Variants in KRT80 observed in about 807,000 individuals in gnomAD.
KRT80 encodes keratin, type II cytoskeletal 80.
A neutral mutation model predicts 51.5 loss-of-function variants in KRT80; 36 were observed. The ratio of observed to expected loss-of-function variants is 0.70; its 90% CI spans 0.54 to 0.92. KRT80 has a LOEUF of 0.92. KRT80 is among the 40% of genes least tolerant of loss of function. The pLI, the probability that KRT80 is intolerant of heterozygous loss-of-function variation, is 0.00. For missense variants in KRT80, 566 were observed against 591.7 expected (o/e 0.96, Z 0.45); for synonymous variants, 235 against 248.3 (o/e 0.95, Z 0.50).
intron 4 of KRT80, among the ~76,000 whole-genome samples, chr12:52,176,701 G>A (rs58638878): frequency 2.6e-5 from 4 of 152,104 alleles, no homozygotes; most frequent in Non-Finnish European, 4.4e-5. Flanking sequence ...TGCTGGTCTC[G>A]AACTCCTAAC....
At position 52,171,437 on chromosome 12, in the gene KRT80, T is replaced by G. The variant is rs202009004; in HGVS notation, c.1320A>C (p.Ser440=). The part of the protein sequence containing the change: ...KGPVIKITEM[S]EKYFSQESEV... ...CCGACTCCTGCGAGAAGTACTTCTC[T>G]GACATTTCGGTGATTTTGATCACGG... is the stretch of plus-strand genomic sequence containing the variant. The change falls in exon 9 of 9, where the codon TCA becomes TCC. Residue 440 remains serine, a synonymous_variant. Transcript: ENST00000394815. The G allele has an allele frequency of 1.9e-6, 3 of 1,611,868 alleles. No individual in the cohort carries two copies. Among genetic ancestry groups the G allele is most frequent in the Non-Finnish European group, 2.5e-6 (3 of 1,179,040 alleles).
chr12:52,182,679 C>T (rs905417907), intron 2 of KRT80, among the ~76,000 whole-genome samples: 40 of 152,192 alleles, frequency 2.6e-4, no homozygotes, highest in African/African-American at 8.4e-4. Context: ...TTGAGGGAGA[C>T]AGCTGGCCTG....
chr12:52,184,007 C>T (rs556875214), intron 2 of KRT80, among the ~76,000 whole-genome samples: 1 of 132,758 alleles, frequency 7.5e-6, no homozygotes, highest in East Asian at 2.1e-4. Context: ...CTGGGTCTCT[C>T]CGGAGGGGCG....
chr12:52,178,995 A>G (rs1234327255), intron 4 of KRT80, among the ~76,000 whole-genome samples: 1 of 152,096 alleles, frequency 6.6e-6, no homozygotes, highest in Non-Finnish European at 1.5e-5. Context: ...CAGGAATATC[A>G]CTGGTTATGC....
chr12:52,172,474 C>A, intron 6 of KRT80, 56 bp from the exon 7 acceptor site: 1 of 1,517,298 alleles, frequency 6.6e-7, no homozygotes. Flanking sequence ...GAGGAGCGGG[C>A]CAGGGCCAGG....
chr12:52,178,653 T>C (rs1251619265), intron 4 of KRT80, among the ~76,000 whole-genome samples: 1 of 152,248 alleles, frequency 6.6e-6, no homozygotes, highest in African/African-American at 2.4e-5. Context: ...ATGACTTGTC[T>C]CAGCTAAGTC....
chr12:52,182,431 G>C (rs1479779747), intron 2 of KRT80, among the ~76,000 whole-genome samples: 1 of 152,194 alleles, frequency 6.6e-6, no homozygotes, highest in Admixed American at 6.5e-5. Flanking sequence ...AGGCTACTTG[G>C]GCTGAAATCC....
At chr12:52,174,043 C>A (rs1163015397) in intron 4 of KRT80, among the ~76,000 whole-genome samples, 6 of 152,234 alleles carry the variant, frequency 3.9e-5, no homozygotes, top group Admixed American at 3.9e-4. Flanking sequence ...CTGCAAGCTT[C>A]CCCACTGCCT....
At position 52,183,778 on chromosome 12, in the gene KRT80, G is replaced by A. The variant is rs145327176; in HGVS notation, c.509+1601C>T. 7.5e-3 allele frequency among the ~76,000 whole-genome samples: 1,145 copies of A among 152,358 alleles called. 8 individuals are homozygous for A. Among genetic ancestry groups the A allele is most frequent in the Non-Finnish European group, 0.011 (737 of 68,036 alleles). On this transcript the variant is annotated intron_variant, in intron 2 of 8. Coordinates refer to ENST00000394815, the MANE Select transcript of KRT80 (RefSeq NM_182507.3). ...CAGCCTTACCCAGTGGCTGGCTGGG[G>A]TTAGGGATGGGACTTAGCATGCAAG...
intron 4 of KRT80, among the ~76,000 whole-genome samples, chr12:52,179,784 C>T (rs1293465739): frequency 1.3e-5 from 2 of 152,212 alleles, no homozygotes; most frequent in Non-Finnish European, 2.9e-5. Flanking sequence ...GCTGCCTGCT[C>T]CTAGCTGAAC....
rs758539926 is a variant in KRT80, at chr12:52,191,608, C to T, written c.295G>A (p.Gly99Ser). The T allele has an allele frequency of 1.3e-6, 2 of 1,585,762 alleles. No individual in the cohort carries two copies. Among genetic ancestry groups the T allele is most frequent in the East Asian group, 2.3e-5 (1 of 44,402 alleles). ...ALNDKFASLIGKVQALEQRNQ... is the reference protein window; with the variant it reads ...ALNDKFASLISKVQALEQRNQ... Reference sequence around the variant, plus strand: ...GACCCCCTACTTGTGCTCACCTTGCCAATTAGGGAGGCAAATTTATCATTG... The same window carrying T: ...GACCCCCTACTTGTGCTCACCTTGCTAATTAGGGAGGCAAATTTATCATTG... Residue 99 changes from glycine (G) to serine (S), a missense_variant, in exon 1 of 9, where the codon GGC becomes AGC. Transcript: ENST00000394815.
intron 4 of KRT80, among the ~76,000 whole-genome samples, chr12:52,177,655 G>A (rs1941252952): frequency 6.6e-6 from 1 of 151,624 alleles, no homozygotes; most frequent in Non-Finnish European, 1.5e-5. Context: ...GTGTGTGTGT[G>A]TGTGTGTGTG....
At chr12:52,174,027 G>T (rs1485458829) in intron 4 of KRT80, among the ~76,000 whole-genome samples, 1 of 152,210 alleles carries the variant, frequency 6.6e-6, no homozygotes, top group South Asian at 2.1e-4. Context: ...TGGTTTTAAA[G>T]GCTACCTGCA....
At position 52,173,680 on chromosome 12, in the gene KRT80, T is replaced by C; in HGVS notation, c.751A>G (p.Ile251Val). Residue 251 changes from isoleucine (I) to valine (V), a missense_variant, in exon 5 of 9, where the codon ATC (isoleucine) becomes GTC (valine). Transcript: ENST00000394815. ...DSRCHIDLSG[I>V]VEEVKAQYDA... ...TACTGGGCCTTCACCTCCTCCACGATGCCGCTCAGGTCGATGTGGCAGCGG... is the reference window on the plus strand; with the variant it reads ...TACTGGGCCTTCACCTCCTCCACGACGCCGCTCAGGTCGATGTGGCAGCGG... 6.2e-7 allele frequency: 1 copy of C among 1,613,154 alleles called. No homozygotes were observed. Among genetic ancestry groups the C allele is most frequent in the South Asian group, 1.1e-5 (1 of 91,086 alleles).
chr12:52,169,799 C>T lies in KRT80; in HGVS notation c.*1599G>A, dbSNP rs1432171436. ...GCCTGAGGAAAAGCACCAATCAGCA[C>T]CCTCTTTTGGGACTTTGGGGATGAG... On this transcript the variant is annotated 3_prime_UTR_variant, in exon 9 of 9. Transcript: ENST00000394815. The T allele has an allele frequency of 2.0e-5, 3 of 152,280 alleles. No individual in the cohort carries two copies. The highest frequency in any genetic ancestry group is 4.4e-5 in the Non-Finnish European group (3 of 68,064). 9.4% of individuals were successfully genotyped at this position (152,280 alleles called of 1,614,324 possible). A position where few individuals can be genotyped will look rare whatever the true frequency, so the allele number is the denominator to read the frequency against.
At chr12:52,180,762 T>C in intron 3 of KRT80, 141 bp downstream of exon 3, 1 of 1,583,644 alleles carries the variant, frequency 6.3e-7, no homozygotes, top group Admixed American at 1.8e-5. Context: ...GGGATGGGGG[T>C]ATCTCCCTGT....
intron 2 of KRT80, among the ~76,000 whole-genome samples, chr12:52,181,235 A>C (rs1941316421): frequency 6.6e-6 from 1 of 151,086 alleles, no homozygotes; most frequent in East Asian, 1.9e-4. Context: ...TCTGCTCCAC[A>C]CCCACTCCCC....
intron 2 of KRT80, among the ~76,000 whole-genome samples, chr12:52,182,483 G>C (rs1373435153): frequency 6.6e-6 from 1 of 152,218 alleles, no homozygotes; most frequent in Non-Finnish European, 1.5e-5. Context: ...GTGAGTTCCT[G>C]TGTGCCTCAG....
At chr12:52,175,220 TTTGTTCTTTGCCA>T (rs1941198367) in intron 4 of KRT80, among the ~76,000 whole-genome samples, 1 of 152,240 alleles carries the variant, frequency 6.6e-6, no homozygotes, top group South Asian at 2.1e-4. Flanking sequence ...TTCTCTCTTT[TTTGTTCTTTGCCA>T]TTGTTCTTAT....
Sources: gnomAD v4.1 joint callset for allele counts (sites outside exome capture counted in the v4.1 genomes callset) on GRCh38, gnomAD v4.1.1 for gene constraint, MANE v1.5 for transcripts, NCBI Gene and HGNC (gene_info 2026-07-23, HGNC 2026-07-21) for gene names.